KATNIP: variants seen among roughly 807,000 people sequenced by gnomAD.
KATNIP encodes katanin interacting protein.
KATNIP carries 126 observed loss-of-function variants against 174.0 expected under a neutral mutation model. The ratio of observed to expected loss-of-function variants is 0.72; its 90% CI spans 0.63 to 0.84. KATNIP has a LOEUF of 0.84. Ranked by LOEUF, KATNIP falls within the 40% of genes least tolerant of loss-of-function variation. The pLI, the probability that KATNIP is intolerant of heterozygous loss-of-function variation, is 0.00. For synonymous variants in KATNIP, 810 were observed against 835.7 expected, an observed-to-expected ratio of 0.97 and a Z score of 0.53; for missense variants, 1,958 against 2,109.7, an observed-to-expected ratio of 0.93 and a Z score of 1.41.
intron 6 of KATNIP, among the ~76,000 whole-genome samples, chr16:27,670,471 A>C (rs1173328914): frequency 6.6e-6 from 1 of 152,180 alleles, no homozygotes. Flanking sequence ...ATATTTTCTG[A>C]GAAGAGCTCA....
chr16:27,586,843 A>C (rs895898735), intron 2 of KATNIP, among the ~76,000 whole-genome samples: 1 of 150,966 alleles, frequency 6.6e-6, no homozygotes, highest in Non-Finnish European at 1.5e-5. Context: ...AAAAAAAAAC[A>C]AAAAAACAAA....
At chr16:27,592,717 C>T (rs994645458) in intron 2 of KATNIP, among the ~76,000 whole-genome samples, 12 of 152,134 alleles carry the variant, frequency 7.9e-5, no homozygotes, top group East Asian at 1.9e-4. Flanking sequence ...CCATCACGCC[C>T]GGCTAATTTT....
chr16:27,701,699 C>T lies in KATNIP; in HGVS notation c.1286+4C>T. On this transcript the variant is annotated splice_donor_region_variant and intron_variant, in intron 11 of 27. Transcript: ENST00000261588. ...GAATTGGGCTTCTGGGAAGCAGGTA[C>T]TACTAAGGCTGAGGCCAAACCCGAA... 6.3e-7 allele frequency: 1 copy of T among 1,586,512 alleles called. No homozygotes were observed. Among genetic ancestry groups the T allele is most frequent in the Non-Finnish European group, 8.6e-7 (1 of 1,165,038 alleles).
chr16:27,702,448 T>C (rs76028536), intron 11 of KATNIP, among the ~76,000 whole-genome samples: 1,819 of 152,304 alleles, frequency 0.012, 49 homozygotes, highest in African/African-American at 0.041. Flanking sequence ...TCAGACAAAA[T>C]AGATCTTCAG....
intron 13 of KATNIP, among the ~76,000 whole-genome samples, chr16:27,709,571 C>T (rs1053634184): frequency 3.0e-4 from 45 of 152,202 alleles, no homozygotes; most frequent in African/African-American, 9.6e-4. Context: ...TACAGTAAGC[C>T]GAGATTGCAG....
chr16:27,646,639 G>T (rs1212709292), intron 5 of KATNIP, among the ~76,000 whole-genome samples: 1 of 152,184 alleles, frequency 6.6e-6, no homozygotes, highest in Non-Finnish European at 1.5e-5. Flanking sequence ...GTGTGTGGTT[G>T]TCTGTGCAGC....
At chr16:27,575,208 T>C (rs957851331) in intron 2 of KATNIP, among the ~76,000 whole-genome samples, 2 of 152,200 alleles carry the variant, frequency 1.3e-5, no homozygotes, top group African/African-American at 4.8e-5. Context: ...AGAAAGCCTT[T>C]GCAGAAAAGG....
At chr16:27,705,372 T>C (rs2079260037) in intron 12 of KATNIP, among the ~76,000 whole-genome samples, 1 of 152,140 alleles carries the variant, frequency 6.6e-6, no homozygotes, top group Non-Finnish European at 1.5e-5. Flanking sequence ...TATAAAATCC[T>C]ATGAGAGCAG....
chr16:27,579,636 G>C (rs1298257014), intron 2 of KATNIP, among the ~76,000 whole-genome samples: 1 of 151,836 alleles, frequency 6.6e-6, no homozygotes, highest in African/African-American at 2.4e-5. Flanking sequence ...TGTGTCCCCA[G>C]GCACCTGGGC....
At position 27,698,465 on chromosome 16, in the gene KATNIP, A is replaced by G; in HGVS notation, c.1078A>G (p.Ser360Gly). The G allele has an allele frequency of 1.9e-6, 3 of 1,612,084 alleles. No homozygotes were observed. Among genetic ancestry groups the G allele is most frequent in the Admixed American group, 1.7e-5 (1 of 59,916 alleles). ...CGCAGCCCTGCAGAGGGCGCTCCTC[A>G]GCAGAAAGGCCGAGCAGCCAGCCAG... ...ENAALQRALL[S>G]RKAEQPASPL... Residue 360 changes from serine (S) to glycine (G), a missense_variant, in exon 9 of 28, where the codon AGC becomes GGC. Physicochemically the swap from Ser to Gly is moderately conservative, Grantham distance 56 (BLOSUM62 0). Around this residue, in one of 3 missense-constraint regions of KATNIP, gnomAD observed 1,557 missense variants for 1,617.8 expected, o/e 0.96. Coordinates refer to ENST00000261588, the MANE Select transcript of KATNIP (RefSeq NM_015202.5).
intron 14 of KATNIP, among the ~76,000 whole-genome samples, chr16:27,732,665 G>C (rs973614487): frequency 6.6e-6 from 1 of 152,136 alleles, no homozygotes; most frequent in African/African-American, 2.4e-5. Flanking sequence ...CTTGAGCCAG[G>C]TCCTAAAGTG....
chr16:27,721,813 G>T (rs550990809), intron 14 of KATNIP, 118 bp downstream of exon 14: 3 of 1,133,320 alleles, frequency 2.6e-6, no homozygotes, highest in Admixed American at 2.3e-5. Context: ...TGCTGGCCTC[G>T]TGTGTGCAGC....
intron 5 of KATNIP, among the ~76,000 whole-genome samples, chr16:27,646,522 G>T (rs145338559): frequency 1.4e-3 from 216 of 152,300 alleles, no homozygotes; most frequent in African/African-American, 4.5e-3. Context: ...TTGGGCCCCA[G>T]AGGAAAACAA....
rs138831806 is a variant in KATNIP at position 27,600,481 on chromosome 16, G to A, written c.64-17944G>A. 2.2e-4 allele frequency among the ~76,000 whole-genome samples: 34 copies of A among 152,154 alleles called. 1 individual carries two copies. The highest frequency in any genetic ancestry group is 6.5e-4 in the Admixed American group (10 of 15,280). On this transcript the variant is annotated intron_variant, in intron 2 of 27. Transcript: ENST00000261588. ...TGTCAGAAGCAAAGACTCTCTAGCC[G>A]TCCCCTGGGATCAGCCAGCAGGCTT... is the stretch of plus-strand genomic sequence containing the variant.
At chr16:27,650,745 A>AAAATACCCGAG (rs1669267379) in intron 6 of KATNIP, among the ~76,000 whole-genome samples, 1 of 152,232 alleles carries the variant, frequency 6.6e-6, no homozygotes, top group African/African-American at 2.4e-5. Flanking sequence ...TCTTGGTTGT[A>AAAATACCCGAG]AAATACCCGA....
At position 27,761,405 on chromosome 16, in the gene KATNIP, T is replaced by C; in HGVS notation, c.3632-8T>C. On this transcript the variant is annotated splice_region_variant and splice_polypyrimidine_tract_variant and intron_variant, in intron 18 of 27. Coordinates refer to ENST00000261588, the MANE Select transcript of KATNIP (RefSeq NM_015202.5). ...GGTGCTAATGGGCCACTTCTCTTCC[T>C]GTTGCAGGCCTTCAGCTGAATTTCA... The C allele has an allele frequency of 1.2e-6, 2 of 1,602,188 alleles. No individual in the cohort carries two copies. Among genetic ancestry groups the C allele is most frequent in the Non-Finnish European group, 1.7e-6 (2 of 1,173,760 alleles).
intron 2 of KATNIP, among the ~76,000 whole-genome samples, chr16:27,592,576 C>G (rs997657888): frequency 5.9e-5 from 9 of 152,050 alleles, no homozygotes; most frequent in Non-Finnish European, 1.3e-4. Flanking sequence ...TGAGATCACG[C>G]CACTGCACTC....
chr16:27,738,773 G>T (rs977765404), intron 14 of KATNIP, among the ~76,000 whole-genome samples: 4 of 152,268 alleles, frequency 2.6e-5, no homozygotes, highest in Admixed American at 2.0e-4. Flanking sequence ...CATCCTCCTG[G>T]CTCCCTTCCA....
chr16:27,594,572 G>C (rs1397143325), intron 2 of KATNIP, among the ~76,000 whole-genome samples: 1 of 151,942 alleles, frequency 6.6e-6, no homozygotes, highest in African/African-American at 2.4e-5. Context: ...TGACACTAAA[G>C]GTGACAAGCA....
Sources: allele counts gnomAD v4.1 joint callset (sites outside exome capture counted in the v4.1 genomes callset), GRCh38; gene constraint gnomAD v4.1.1; regional missense constraint gnomAD v4.1.1; transcripts MANE v1.5; gene names NCBI Gene and HGNC (gene_info 2026-07-23, HGNC 2026-07-21).